Variants in SH3RF2 observed in about 807,000 individuals in gnomAD.
SH3RF2 encodes E3 ubiquitin-protein ligase SH3RF2.
In SH3RF2, 43 loss-of-function variants were observed where a neutral mutation model predicts 59.0. The ratio of observed to expected loss-of-function variants is 0.73; its 90% CI spans 0.57 to 0.94. The LOEUF is 0.94. Among genes scored for constraint, SH3RF2 ranks in the 40% least tolerant of loss-of-function variants. The probability of loss-of-function intolerance (pLI) is 0.00; values close to 1 mark genes in which losing one functional copy is unlikely to be tolerated. For synonymous variants in SH3RF2, 391 were observed against 391.5 expected (o/e 1.00, Z 0.01); for missense variants, 930 against 940.1 (o/e 0.99, Z 0.14).
chr5:146,064,608 A>AGG (rs1763005843), downstream of SH3RF2, among the ~76,000 whole-genome samples: 1 of 89,210 alleles, frequency 1.1e-5, no homozygotes, highest in African/African-American at 3.7e-5. Context: ...AGAGAGAGAG[A>AGG]GAGAGAGGGA....
intron 5 of SH3RF2, among the ~76,000 whole-genome samples, chr5:146,039,827 C>T (rs966760353): frequency 3.3e-5 from 5 of 152,216 alleles, no homozygotes; most frequent in Admixed American, 2.0e-4. Context: ...TCACTCATAA[C>T]AGCCCCAAAC....
chr5:145,996,222 T>C (rs1396153275), intron 2 of SH3RF2, among the ~76,000 whole-genome samples: 1 of 152,210 alleles, frequency 6.6e-6, no homozygotes, highest in Non-Finnish European at 1.5e-5. Context: ...AAGACCTAAA[T>C]TAATGCCTCT....
intron 2 of SH3RF2, among the ~76,000 whole-genome samples, chr5:145,961,140 AT>A (rs1383362354): frequency 8.5e-6 from 1 of 118,100 alleles, no homozygotes; most frequent in Non-Finnish European, 1.7e-5. Context: ...AGACAGTGGG[AT>A]TTTTTCAGGA....
intron 2 of SH3RF2, among the ~76,000 whole-genome samples, chr5:145,959,028 GA>G (rs1423139489): frequency 6.6e-6 from 1 of 152,178 alleles, no homozygotes; most frequent in Non-Finnish European, 1.5e-5. Flanking sequence ...TCCAGGTAGA[GA>G]AGCAGGGAAA....
In SH3RF2 at chr5:145,987,351, C is replaced by G. The variant is rs982760457; in HGVS notation, c.379-12707C>G. Among the ~76,000 whole-genome samples, 5 of 152,198 alleles carry G rather than the reference C, an allele frequency of 3.3e-5. No homozygotes were observed. The South Asian group carries it at 8.3e-4, about 25-fold the overall frequency. The stretch of plus-strand genomic sequence containing the variant: ...TCTTTTATCCCTCGCACCCTTCCCC[C>G]GAAGCCCCCAAAGTCTATTGTATCA... On this transcript the variant is annotated intron_variant, in intron 2 of 9. Transcript: ENST00000359120.
intron 7 of SH3RF2, chr5:146,050,151 A>G (rs867176002): frequency 8.5e-5 from 13 of 152,232 alleles, no homozygotes; most frequent in African/African-American, 3.1e-4. Flanking sequence ...AAACTATATC[A>G]TAGCAGAAAC....
chr5:146,066,638 A>G (rs929229360), downstream of SH3RF2, among the ~76,000 whole-genome samples: 1 of 152,208 alleles, frequency 6.6e-6, no homozygotes, highest in African/African-American at 2.4e-5. Flanking sequence ...GAAGGAAAAG[A>G]GAGAGTCAGA....
chr5:145,967,043 A>G (rs957484852), intron 2 of SH3RF2, among the ~76,000 whole-genome samples: 1 of 152,198 alleles, frequency 6.6e-6, no homozygotes, highest in Non-Finnish European at 1.5e-5. Flanking sequence ...AGAAAAAGAA[A>G]TAATTACTTT....
chr5:146,047,801 T>C lies in SH3RF2; in HGVS notation c.1089T>C (p.Ser363=). 6.2e-7 allele frequency: 1 copy of C among 1,614,138 alleles called. No individual in the cohort carries two copies. Among genetic ancestry groups the C allele is most frequent in the Non-Finnish European group, 8.5e-7 (1 of 1,180,038 alleles). ...GCACTTATCACCCCGCACCTGTCTC[T>C]CCAGGACATTCCACAGCCGTGGTCA... is the stretch of plus-strand genomic sequence containing the variant. ...QVSTYHPAPV[S]PGHSTAVVSL... The change falls in exon 6 of 10, where the codon TCT becomes TCC. Residue 363 remains serine, a synonymous_variant. Coordinates refer to ENST00000359120, the MANE Select transcript of SH3RF2 (RefSeq NM_152550.4).
chr5:146,066,786 G>T (rs1176898008), downstream of SH3RF2, among the ~76,000 whole-genome samples: 1 of 152,168 alleles, frequency 6.6e-6, no homozygotes, highest in African/African-American at 2.4e-5. Context: ...GAGATCCCAG[G>T]TAGAACCCCA....
rs1291038595 is a variant in SH3RF2, at chr5:146,002,537, G to T, written c.649-1521G>T. On this transcript the variant is annotated intron_variant, in intron 3 of 9. Coordinates refer to ENST00000359120, the MANE Select transcript of SH3RF2 (RefSeq NM_152550.4). The stretch of plus-strand genomic sequence containing the variant: ...GGAAGGAAGGAAGGAAGGAAGGAAG[G>T]ATAACCTATAAATGCATAATTGCAC... Among the ~76,000 whole-genome samples, 2 of 145,520 alleles carry T rather than the reference G, an allele frequency of 1.4e-5. 1 individual carries two copies. The highest frequency in any genetic ancestry group is 5.1e-5 in the African/African-American group (2 of 39,198).
At chr5:146,067,935 C>G (rs917363483), downstream of SH3RF2, among the ~76,000 whole-genome samples, 1 of 152,188 alleles carries the variant, frequency 6.6e-6, no homozygotes, top group Non-Finnish European at 1.5e-5. Context: ...TGCTAAATAT[C>G]TTAACTGTGA....
chr5:145,939,178 C>A (rs996624702), intron 2 of SH3RF2, among the ~76,000 whole-genome samples: 4 of 152,216 alleles, frequency 2.6e-5, no homozygotes, highest in African/African-American at 9.7e-5. Context: ...GTGAGTCCAG[C>A]AGAATTATTT....
chr5:146,001,753 T>A (rs1200342682), intron 3 of SH3RF2, among the ~76,000 whole-genome samples: 2 of 152,082 alleles, frequency 1.3e-5, no homozygotes, highest in African/African-American at 2.4e-5. Flanking sequence ...AAGTGATGAG[T>A]CATTGTTCTT....
At position 145,937,837 on chromosome 5, in the gene SH3RF2, G is replaced by C; in HGVS notation, c.-92G>C. ...CCTTCAAGCAGGCAAAAATTCTGAC[G>C]TTCTCAAGAGACCAGCTCTGCCCCC... On this transcript the variant is annotated 5_prime_UTR_variant, in exon 2 of 10. Transcript: ENST00000359120. 2 of 1,474,734 alleles carry C rather than the reference G, an allele frequency of 1.4e-6. No homozygotes were observed. Among genetic ancestry groups the C allele is most frequent in the East Asian group, 2.3e-5 (1 of 43,930 alleles). The allele number at this position is 1,474,734 out of a possible 1,614,324, so 91.4% of individuals were successfully genotyped here. A position where few individuals can be genotyped will look rare whatever the true frequency, so the allele number is the denominator to read the frequency against.
At chr5:145,939,545 A>T (rs186959425) in intron 2 of SH3RF2, among the ~76,000 whole-genome samples, 1 of 152,346 alleles carries the variant, frequency 6.6e-6, no homozygotes, top group East Asian at 1.9e-4. Context: ...AAGAAGCAGG[A>T]CATTTTTTCA....
intron 2 of SH3RF2, among the ~76,000 whole-genome samples, chr5:145,977,506 A>G (rs1046543881): frequency 1.3e-5 from 2 of 152,226 alleles, no homozygotes; most frequent in Admixed American, 6.5e-5. Flanking sequence ...CTGCTTACCA[A>G]GCTCTGAAAT....
chr5:146,016,422 GATAA>G (rs570029018), intron 5 of SH3RF2, among the ~76,000 whole-genome samples: 4 of 150,552 alleles, frequency 2.7e-5, no homozygotes, highest in Non-Finnish European at 6.0e-5. Context: ...TTGATACATA[GATAA>G]ATAGATAGAT....
chr5:146,002,253 C>G (rs1760446148), intron 3 of SH3RF2, among the ~76,000 whole-genome samples: 1 of 152,240 alleles, frequency 6.6e-6, no homozygotes, highest in South Asian at 2.1e-4. Context: ...GAGTTTGAGA[C>G]CAGCCTGGCC....
Sources: gnomAD v4.1 joint callset for allele counts (sites outside exome capture counted in the v4.1 genomes callset) on GRCh38, gnomAD v4.1.1 for gene constraint, MANE v1.5 for transcripts, NCBI Gene and HGNC (gene_info 2026-07-23, HGNC 2026-07-21) for gene names.